Variants in CSMD1 observed in about 807,000 individuals in gnomAD.
The protein encoded by CSMD1 is CUB and sushi domain-containing protein 1.
Under a neutral mutation model 417.5 loss-of-function variants are expected in CSMD1, and 213 were observed. The observed-to-expected ratio is 0.51, with a 90% confidence interval of 0.46 to 0.57. The LOEUF is 0.57. CSMD1 is among the 20% of genes least tolerant of loss of function. The probability of loss-of-function intolerance (pLI) is 0.00; values close to 1 mark genes in which losing one functional copy is unlikely to be tolerated. For synonymous variants in CSMD1, 2,862 were observed against 1,736.8 expected, an observed-to-expected ratio of 1.65 and a Z score of -16.11; for missense variants, 6,923 against 4,529.7, an observed-to-expected ratio of 1.53 and a Z score of -15.17.
rs757773152 is a variant in CSMD1, at chr8:3,396,393, T to C, written c.2406-12A>G. On this transcript the variant is annotated splice_polypyrimidine_tract_variant and intron_variant, in intron 16 of 69. Coordinates refer to ENST00000635120, the MANE Select transcript of CSMD1 (RefSeq NM_033225.6). ...CCTCTGTCTGAAATCTGCAAATATA[T>C]ACATCCCATCAGAAAAGACATGCAG... The C allele has an allele frequency of 6.7e-5, 103 of 1,540,968 alleles. No individual in the cohort carries two copies. The highest frequency in any genetic ancestry group is 7.8e-5 in the Non-Finnish European group (89 of 1,142,400).
In CSMD1 at chr8:2,935,417, C is replaced by G. The variant is rs1285365050; in HGVS notation, c.*3168G>C. 1.3e-5 allele frequency: 2 copies of G among 152,032 alleles called. No homozygotes were observed. Among genetic ancestry groups the G allele is most frequent in the African/African-American group, 4.8e-5 (2 of 41,364 alleles). The allele number at this position is 152,032 out of a possible 1,614,324, so 9.4% of individuals were successfully genotyped here. A position where few individuals can be genotyped will look rare whatever the true frequency, so the allele number is the denominator to read the frequency against. On this transcript the variant is annotated 3_prime_UTR_variant, in exon 70 of 70. Transcript: ENST00000635120. ...TGCTTTAAAGATTGGTGGCATTGCA[C>G]AGGCTATATTACACCCTCTTTATAA...
chr8:3,946,612 T>C (rs945422182), intron 5 of CSMD1, among the ~76,000 whole-genome samples: 3 of 152,184 alleles, frequency 2.0e-5, no homozygotes, highest in African/African-American at 7.2e-5. Context: ...TTGACTGGAA[T>C]TGTGTTGATC....
intron 40 of CSMD1, among the ~76,000 whole-genome samples, chr8:3,148,203 A>G (rs1343907473): frequency 6.6e-6 from 1 of 152,182 alleles, no homozygotes; most frequent in Admixed American, 6.5e-5. Context: ...AATTGTGGTC[A>G]CCTCTGCTAT....
chr8:4,133,792 T>C (rs1017860736), intron 3 of CSMD1, among the ~76,000 whole-genome samples: 6 of 152,182 alleles, frequency 3.9e-5, no homozygotes, highest in African/African-American at 7.2e-5. Context: ...CCCTTATCTA[T>C]AGCCATGCCA....
intron 29 of CSMD1, among the ~76,000 whole-genome samples, chr8:3,215,337 T>C (rs1797821869): frequency 6.6e-6 from 1 of 152,248 alleles, no homozygotes; most frequent in Non-Finnish European, 1.5e-5. Context: ...TCAAACATTG[T>C]GCACTGGATG....
intron 1 of CSMD1, among the ~76,000 whole-genome samples, chr8:4,851,213 T>C (rs188344236): frequency 5.9e-5 from 9 of 151,676 alleles, no homozygotes; most frequent in Non-Finnish European, 1.2e-4. Context: ...TTTTTGTCCT[T>C]GGCAATAGTT....
At chr8:4,654,696 C>A (rs1220078844) in intron 1 of CSMD1, among the ~76,000 whole-genome samples, 1 of 152,054 alleles carries the variant, frequency 6.6e-6, no homozygotes, top group South Asian at 2.1e-4. Flanking sequence ...GGTCTCACAC[C>A]TGTGGAAGAG....
intron 7 of CSMD1, among the ~76,000 whole-genome samples, chr8:3,671,274 G>A (rs1030423921): frequency 6.8e-6 from 1 of 146,014 alleles, no homozygotes; most frequent in African/African-American, 2.5e-5. Context: ...ATATATATAT[G>A]ATGTGCCTGG....
chr8:3,308,198 C>A (rs557574219), intron 24 of CSMD1, 114 bp downstream of exon 24: 1 of 805,708 alleles, frequency 1.2e-6, no homozygotes. Context: ...AAAACTCACA[C>A]TGGAAAGTGT....
At chr8:4,315,827 C>G (rs906087065) in intron 3 of CSMD1, among the ~76,000 whole-genome samples, 2 of 151,992 alleles carry the variant, frequency 1.3e-5, no homozygotes, top group African/African-American at 2.4e-5. Context: ...TCTTCAGAAG[C>G]GTTTTCAAAA....
intron 1 of CSMD1, among the ~76,000 whole-genome samples, chr8:4,771,670 G>A (rs1455669259): frequency 2.6e-5 from 4 of 152,124 alleles, no homozygotes; most frequent in Non-Finnish European, 5.9e-5. Context: ...TAAAACATAC[G>A]CAAAGTAAAA....
intron 3 of CSMD1, among the ~76,000 whole-genome samples, chr8:4,204,495 C>T (rs888815379): frequency 2.6e-5 from 4 of 152,262 alleles, no homozygotes; most frequent in Admixed American, 2.6e-4. Context: ...GTAAAATAAA[C>T]CAGATTCAAT....
At chr8:3,295,509 G>A (rs12674988) in intron 25 of CSMD1, among the ~76,000 whole-genome samples, 1 of 152,052 alleles carries the variant, frequency 6.6e-6, no homozygotes, top group Admixed American at 6.6e-5. Context: ...AAAACTGTAA[G>A]TGTTTTATTT....
chr8:2,985,001 ACT>A lies in CSMD1; in HGVS notation c.8378-6203_8378-6202del, dbSNP rs538177625. ...AGTTTGAATTTTAAGTTAACAGTTA[ACT>A]CTGAACAGATACTGGAACAAATCAG... On this transcript the variant is annotated intron_variant, in intron 54 of 69. Coordinates refer to ENST00000635120, the MANE Select transcript of CSMD1 (RefSeq NM_033225.6). Among the ~76,000 whole-genome samples the A allele has an allele frequency of 2.2e-4, 33 of 152,300 alleles. 1 individual carries two copies. In the South Asian group the frequency reaches 6.6e-3, roughly 31 times the overall value.
At chr8:3,823,023 T>C (rs1311619610) in intron 5 of CSMD1, among the ~76,000 whole-genome samples, 1 of 152,154 alleles carries the variant, frequency 6.6e-6, no homozygotes, top group Non-Finnish European at 1.5e-5. Context: ...GCTGAAAACA[T>C]AATTCGGCAT....
Position 4,645,041 on chromosome 8 carries a change from G to C in CSMD1, c.86-7483C>G, listed in dbSNP as rs771299466. On this transcript the variant is annotated intron_variant, in intron 1 of 69. Coordinates refer to ENST00000635120, the MANE Select transcript of CSMD1 (RefSeq NM_033225.6). ...GGTTAGTGATTACTTAAAACATTAGGATGCAGGTGATATTTTAATTCCAAA... is the reference window on the plus strand; with the variant it reads ...GGTTAGTGATTACTTAAAACATTAGCATGCAGGTGATATTTTAATTCCAAA... Among the ~76,000 whole-genome samples the C allele has an allele frequency of 2.6e-5, 4 of 152,282 alleles. 1 individual carries two copies. The highest frequency in any genetic ancestry group is 4.1e-4 in the South Asian group (2 of 4,826).
At chr8:3,188,092 A>ATATG (rs1796177629) in intron 35 of CSMD1, 127 bp from the exon 36 acceptor site, 1 of 297,324 alleles carries the variant, frequency 3.4e-6, no homozygotes, top group African/African-American at 2.3e-5. Context: ...GTATATGTAT[A>ATATG]TATATATACA....
chr8:4,625,977 G>A (rs907088049), intron 2 of CSMD1, among the ~76,000 whole-genome samples: 3 of 152,088 alleles, frequency 2.0e-5, no homozygotes, highest in Non-Finnish European at 2.9e-5. Context: ...GCCCGCCTTG[G>A]TCTCCCAAAG....
intron 1 of CSMD1, among the ~76,000 whole-genome samples, chr8:4,994,089 C>G (rs929765659): frequency 6.6e-6 from 1 of 151,992 alleles, no homozygotes; most frequent in African/African-American, 2.4e-5. Context: ...AAAAAGAGAT[C>G]TCTCCTGTGA....
Sources: gnomAD v4.1 joint callset for allele counts (sites outside exome capture counted in the v4.1 genomes callset) on GRCh38, gnomAD v4.1.1 for gene constraint, MANE v1.5 for transcripts, NCBI Gene and HGNC (gene_info 2026-07-23, HGNC 2026-07-21) for gene names.